Variants in MACROD2 observed in about 807,000 individuals in gnomAD.
MACROD2 encodes mono-ADP ribosylhydrolase 2.
Under a neutral mutation model 70.4 loss-of-function variants are expected in MACROD2, and 36 were observed. That is an observed-to-expected ratio of 0.51 (90% confidence interval 0.39 to 0.68). The LOEUF is 0.68. Among genes scored for constraint, MACROD2 ranks in the 30% least tolerant of loss-of-function variants. The probability of loss-of-function intolerance (pLI) is 0.00; values close to 1 mark genes in which losing one functional copy is unlikely to be tolerated. For synonymous variants in MACROD2, 172 were observed against 178.8 expected, an observed-to-expected ratio of 0.96 and a Z score of 0.30; for missense variants, 496 against 538.4, an observed-to-expected ratio of 0.92 and a Z score of 0.78.
intron 4 of MACROD2, among the ~76,000 whole-genome samples, chr20:14,609,460 A>G (rs1225443948): frequency 6.6e-6 from 1 of 152,108 alleles, no homozygotes; most frequent in Non-Finnish European, 1.5e-5. Context: ...ACTGTGGGGA[A>G]GTACTTAAAG....
chr20:15,211,834 G>T (rs2076766576), intron 5 of MACROD2, among the ~76,000 whole-genome samples: 1 of 152,126 alleles, frequency 6.6e-6, no homozygotes, highest in African/African-American at 2.4e-5. Flanking sequence ...ATGAATATTT[G>T]CATATAAGTT....
chr20:15,289,687 A>C (rs951430380), intron 6 of MACROD2, among the ~76,000 whole-genome samples: 3 of 152,188 alleles, frequency 2.0e-5, no homozygotes, highest in Non-Finnish European at 4.4e-5. Flanking sequence ...TATTGATCAG[A>C]TGAATAATAT....
chr20:15,141,560 A>G (rs1387335676), intron 5 of MACROD2, among the ~76,000 whole-genome samples: 2 of 152,170 alleles, frequency 1.3e-5, no homozygotes, highest in Non-Finnish European at 1.5e-5. Context: ...TCTGATTCCA[A>G]GTGACCTCAG....
chr20:14,012,598 T>C (rs1255920448), intron 2 of MACROD2, among the ~76,000 whole-genome samples: 1 of 152,204 alleles, frequency 6.6e-6, no homozygotes, highest in Admixed American at 6.5e-5. Flanking sequence ...TTCAGCTTTT[T>C]CTTTTAACGT....
intron 6 of MACROD2, among the ~76,000 whole-genome samples, chr20:15,296,955 G>A (rs534617233): frequency 3.4e-4 from 52 of 152,264 alleles, no homozygotes; most frequent in Non-Finnish European, 5.9e-4. Flanking sequence ...AGGTAGCCTC[G>A]GTTGGGGAGA....
intron 3 of MACROD2, chr20:14,325,801 C>A (rs2082723039): frequency 6.2e-7 from 1 of 1,613,802 alleles, no homozygotes; most frequent in African/African-American, 1.3e-5. Context: ...CTTTCTTCTC[C>A]TCCCTTTGCT....
At chr20:14,236,594 G>T (rs977110337) in intron 3 of MACROD2, among the ~76,000 whole-genome samples, 37 of 151,848 alleles carry the variant, frequency 2.4e-4, no homozygotes, top group African/African-American at 8.9e-4. Context: ...AACATTTTTG[G>T]TTTTTTGCTT....
At chr20:14,705,832 A>C (rs2071262301) in intron 5 of MACROD2, among the ~76,000 whole-genome samples, 1 of 152,138 alleles carries the variant, frequency 6.6e-6, no homozygotes, top group African/African-American at 2.4e-5. Flanking sequence ...GTTTTGCTTC[A>C]AGTATCTTTG....
chr20:15,040,270 G>C (rs1179156919), intron 5 of MACROD2, among the ~76,000 whole-genome samples: 1 of 151,190 alleles, frequency 6.6e-6, no homozygotes, highest in Non-Finnish European at 1.5e-5. Flanking sequence ...AGTCGAGATC[G>C]CGCCACTGCA....
intron 3 of MACROD2, among the ~76,000 whole-genome samples, chr20:14,128,779 G>A (rs1038617378): frequency 1.3e-5 from 2 of 152,112 alleles, no homozygotes; most frequent in Non-Finnish European, 2.9e-5. Flanking sequence ...CAAAATCCTA[G>A]GGCCCTTAAT....
At chr20:15,679,744 T>C (rs1418266549) in intron 8 of MACROD2, among the ~76,000 whole-genome samples, 1 of 151,998 alleles carries the variant, frequency 6.6e-6, no homozygotes, top group Non-Finnish European at 1.5e-5. Flanking sequence ...AGTCCATCCA[T>C]TGGAGGAAAA....
chr20:15,484,976 C>T (rs758087651), intron 7 of MACROD2, among the ~76,000 whole-genome samples: 15 of 152,234 alleles, frequency 9.9e-5, no homozygotes, highest in Admixed American at 2.0e-4. Context: ...CTCACTTCTT[C>T]GAAGGATCTA....
At chr20:15,801,187 A>T (rs1264257474) in intron 8 of MACROD2, among the ~76,000 whole-genome samples, 4 of 111,140 alleles carry the variant, frequency 3.6e-5, no homozygotes, top group Admixed American at 2.6e-4. Context: ...ATGATCAATT[A>T]AAAAAAAAAA....
chr20:15,841,309 G>C (rs368154619), intron 8 of MACROD2, among the ~76,000 whole-genome samples: 2 of 152,054 alleles, frequency 1.3e-5, no homozygotes, highest in Non-Finnish European at 2.9e-5. Flanking sequence ...GGTCCAGGAT[G>C]GGGGGGTGTA....
At chr20:14,367,456 G>A (rs1224035043) in intron 3 of MACROD2, among the ~76,000 whole-genome samples, 1 of 152,124 alleles carries the variant, frequency 6.6e-6, no homozygotes, top group Non-Finnish European at 1.5e-5. Flanking sequence ...TCATAGGTCA[G>A]TTTTACTTAT....
intron 4 of MACROD2, among the ~76,000 whole-genome samples, chr20:14,677,507 T>C (rs1341757430): frequency 7.2e-5 from 11 of 152,202 alleles, no homozygotes; most frequent in Admixed American, 7.2e-4. Flanking sequence ...GTCAAAATCC[T>C]TGCCTTAGTT....
intron 5 of MACROD2, among the ~76,000 whole-genome samples, chr20:14,932,060 A>G (rs2074301025): frequency 1.3e-5 from 2 of 151,772 alleles, no homozygotes; most frequent in Admixed American, 1.3e-4. Flanking sequence ...TTAATAATCT[A>G]GGGCTTTACC....
Position 14,381,921 on chromosome 20 carries a change from CAT to C in MACROD2, c.272-111554_272-111553del, listed in dbSNP as rs1391319311. ...AGATAAGAGAGACACTTGTCTCAAT[CAT>C]ATAGTTTCATGAACTAACAGGTTTT... On this transcript the variant is annotated intron_variant, in intron 3 of 17. Transcript: ENST00000684519. Among the ~76,000 whole-genome samples, 15 of 152,254 alleles carry C rather than the reference CAT, an allele frequency of 9.9e-5. No homozygotes were observed. The East Asian group carries it at 1.7e-3, about 18-fold the overall frequency.
chr20:14,970,486 A>G lies in MACROD2; in HGVS notation c.419-259454A>G, dbSNP rs1473848171. ...AGACCTACATTTATCAATGAGATCAACAGAGCCATTTTTTCCTCCAGTGTT... is the reference window on the plus strand; with the variant it reads ...AGACCTACATTTATCAATGAGATCAGCAGAGCCATTTTTTCCTCCAGTGTT... On this transcript the variant is annotated intron_variant, in intron 5 of 17. Coordinates refer to ENST00000684519, the MANE Select transcript of MACROD2 (RefSeq NM_001351661.2). Among the ~76,000 whole-genome samples the G allele has an allele frequency of 2.0e-5, 3 of 152,172 alleles. No homozygotes were observed. In the East Asian group the frequency reaches 5.8e-4, roughly 29 times the overall value.
Sources: allele counts gnomAD v4.1 joint callset (sites outside exome capture counted in the v4.1 genomes callset), GRCh38; gene constraint gnomAD v4.1.1; transcripts MANE v1.5; gene names NCBI Gene and HGNC (gene_info 2026-07-23, HGNC 2026-07-21).